Variants in PPDPFL observed in about 807,000 individuals in gnomAD.
PPDPFL encodes pancreatic progenitor cell differentiation and proliferation factor like.
In PPDPFL, 12 loss-of-function variants were observed where a neutral mutation model predicts 12.6. The observed-to-expected ratio is 0.95, with a 90% CI of 0.61 to 1.54. PPDPFL has a LOEUF of 1.54. Ranked by LOEUF, PPDPFL falls within the 40% of genes most tolerant of loss-of-function variation. The probability of loss-of-function intolerance (pLI) is 0.00; values close to 1 mark genes in which losing one functional copy is unlikely to be tolerated. For missense variants in PPDPFL, 114 were observed against 96.0 expected, an observed-to-expected ratio of 1.19 and a Z score of -0.78; for synonymous variants, 24 against 32.7, an observed-to-expected ratio of 0.73 and a Z score of 0.91.
At chr8:49,071,428 C>T (rs182080520), upstream of PPDPFL, among the ~76,000 whole-genome samples, 256 of 152,218 alleles carry the variant, frequency 1.7e-3, 2 homozygotes, top group African/African-American at 5.7e-3. Flanking sequence ...GAGGCTGAGG[C>T]GGGTGGATCA....
chr8:49,058,045 A>C (rs913130130), intron 1 of PPDPFL, among the ~76,000 whole-genome samples: 1 of 152,184 alleles, frequency 6.6e-6, no homozygotes, highest in African/African-American at 2.4e-5. Context: ...ATTTAGACAA[A>C]ATCCAGACTT....
intron 1 of PPDPFL, among the ~76,000 whole-genome samples, chr8:49,061,667 G>T (rs528280733): frequency 2.0e-5 from 3 of 152,296 alleles, no homozygotes; most frequent in East Asian, 3.9e-4. Context: ...GAGAAAATCT[G>T]CCAGAGGAGA....
intron 2 of PPDPFL, among the ~76,000 whole-genome samples, chr8:49,073,478 TC>T (rs1046390187): frequency 2.0e-5 from 3 of 152,236 alleles, no homozygotes; most frequent in African/African-American, 7.2e-5. Flanking sequence ...AACTCTTCTT[TC>T]AAGGGTTGTT....
chr8:49,056,611 T>C (rs1285974149), intron 1 of PPDPFL, among the ~76,000 whole-genome samples: 2 of 152,220 alleles, frequency 1.3e-5, no homozygotes, highest in Non-Finnish European at 2.9e-5. Context: ...GATGAGTTAC[T>C]ACTATCTGTG....
upstream of PPDPFL, among the ~76,000 whole-genome samples, chr8:49,069,602 A>G (rs952544890): frequency 6.6e-6 from 1 of 152,250 alleles, no homozygotes; most frequent in Non-Finnish European, 1.5e-5. Context: ...ACCTAAAAAC[A>G]GAACAATCAT....
At chr8:49,057,355 T>A (rs1200413129) in intron 1 of PPDPFL, among the ~76,000 whole-genome samples, 2 of 152,168 alleles carry the variant, frequency 1.3e-5, no homozygotes, top group African/African-American at 4.8e-5. Context: ...TTATCTCTTG[T>A]ATGAAAAATT....
intron 1 of PPDPFL, among the ~76,000 whole-genome samples, chr8:49,056,646 G>A (rs1388108997): frequency 3.3e-5 from 5 of 152,062 alleles, no homozygotes; most frequent in Admixed American, 2.0e-4. Context: ...GATATCCAAC[G>A]GGCATTGAGA....
upstream of PPDPFL, among the ~76,000 whole-genome samples, chr8:49,070,979 A>C (rs7011891): frequency 0.5 from 76,470 of 151,910 alleles, 20,280 homozygotes; most frequent in East Asian, 0.82. Flanking sequence ...GATCTCTAGA[A>C]GTATTCATCC....
upstream of PPDPFL, among the ~76,000 whole-genome samples, chr8:49,071,393 T>G (rs1490585697): frequency 6.6e-6 from 1 of 152,116 alleles, no homozygotes; most frequent in African/African-American, 2.4e-5. Context: ...CGCAGTGGCT[T>G]ACGCCTGTAA....
rs537927174 is a variant in PPDPFL at position 49,056,124 on chromosome 8, A to G, written c.-45+1755A>G. Among the ~76,000 whole-genome samples, 4 of 152,222 alleles carry G rather than the reference A, an allele frequency of 2.6e-5. No individual in the cohort carries two copies. The South Asian group carries it at 6.2e-4, about 24-fold the overall frequency. On this transcript the variant is annotated intron_variant, in intron 1 of 4. Transcript: ENST00000517663. ...TCCCCTCATGCTCAAAATAAAACCC[A>G]ATCCATATCCCTACTGCCTCTACAA...
At chr8:49,060,479 A>C (rs1808181829) in intron 1 of PPDPFL, among the ~76,000 whole-genome samples, 1 of 151,834 alleles carries the variant, frequency 6.6e-6, no homozygotes, top group African/African-American at 2.4e-5. Context: ...ACACCTGGCT[A>C]ATTTTGTATT....
At chr8:49,060,918 G>A (rs963120463) in intron 1 of PPDPFL, among the ~76,000 whole-genome samples, 19 of 152,076 alleles carry the variant, frequency 1.2e-4, no homozygotes, top group African/African-American at 4.6e-4. Flanking sequence ...GATGAAGAAA[G>A]GTGATTTGAA....
At chr8:49,067,643 G>A (rs1210158203), upstream of PPDPFL, among the ~76,000 whole-genome samples, 2 of 152,196 alleles carry the variant, frequency 1.3e-5, no homozygotes, top group East Asian at 3.8e-4. Flanking sequence ...TGCATCCAAT[G>A]TCAATAAATT....
chr8:49,058,673 A>C (rs1808148231), intron 1 of PPDPFL, among the ~76,000 whole-genome samples: 1 of 152,212 alleles, frequency 6.6e-6, no homozygotes, highest in Non-Finnish European at 1.5e-5. Context: ...TTCAGCGAAA[A>C]GTTTTATAAT....
chr8:49,060,878 A>G (rs1234737311), intron 1 of PPDPFL, among the ~76,000 whole-genome samples: 1 of 152,140 alleles, frequency 6.6e-6, no homozygotes, highest in Non-Finnish European at 1.5e-5. Context: ...TATAATTGGT[A>G]AATTGTCTAA....
upstream of PPDPFL, among the ~76,000 whole-genome samples, chr8:49,070,860 G>A (rs1195737984): frequency 3.9e-5 from 6 of 151,994 alleles, no homozygotes; most frequent in African/African-American, 1.5e-4. Context: ...CTTTTATTTT[G>A]TATGTGTGCA....
chr8:49,061,328 G>A (rs1808199045), intron 1 of PPDPFL, among the ~76,000 whole-genome samples: 1 of 152,166 alleles, frequency 6.6e-6, no homozygotes, highest in Non-Finnish European at 1.5e-5. Flanking sequence ...AAGACTATGA[G>A]CCATGGAGAG....
chr8:49,058,104 A>G (rs1188141248), intron 1 of PPDPFL, among the ~76,000 whole-genome samples: 2 of 152,206 alleles, frequency 1.3e-5, no homozygotes, highest in Non-Finnish European at 2.9e-5. Flanking sequence ...AAATGTAAGT[A>G]AAAATTATCC....
Position 49,075,440 on chromosome 8 carries a change from A to G in PPDPFL, c.*267A>G. 3 of 657,630 alleles carry G rather than the reference A, an allele frequency of 4.6e-6. No individual in the cohort carries two copies. Among genetic ancestry groups the G allele is most frequent in the Admixed American group, 5.1e-5 (2 of 39,252 alleles). 40.7% of individuals were successfully genotyped at this position (657,630 alleles called of 1,614,324 possible). On this transcript the variant is annotated 3_prime_UTR_variant, in exon 5 of 5. Coordinates refer to ENST00000522267, the MANE Select transcript of PPDPFL (RefSeq NM_001256597.2). ...AGGCATTTTTCTCAACACAAAGACT[A>G]TCGCTGGAAGTGGCACTTGCTACCT...
Sources: gnomAD v4.1 joint callset for allele counts (sites outside exome capture counted in the v4.1 genomes callset) on GRCh38, gnomAD v4.1.1 for gene constraint, MANE v1.5 for transcripts, NCBI Gene and HGNC (gene_info 2026-07-23, HGNC 2026-07-21) for gene names.